Variants in MYO1D observed in about 807,000 individuals in gnomAD.
MYO1D encodes the protein myosin ID.
A neutral mutation model predicts 122.0 loss-of-function variants in MYO1D; 83 were observed. The ratio of observed to expected loss-of-function variants is 0.68; its 90% CI spans 0.57 to 0.82. MYO1D has a LOEUF of 0.82. MYO1D is among the 40% of genes least tolerant of loss of function. The pLI is 0.00. For synonymous variants in MYO1D, 464 were observed against 446.9 expected (o/e 1.04, Z -0.48); for missense variants, 1,157 against 1,269.5 (o/e 0.91, Z 1.35).
intron 16 of MYO1D, among the ~76,000 whole-genome samples, chr17:32,684,468 C>A (rs1469299771): frequency 6.6e-6 from 1 of 152,104 alleles, no homozygotes; most frequent in Non-Finnish European, 1.5e-5. Flanking sequence ...GAGTACCTAG[C>A]AATAAACACA....
rs114585890 is a variant in MYO1D at position 32,592,770 on chromosome 17, A to G, written c.2864+12317T>C. On this transcript the variant is annotated intron_variant, in intron 21 of 21. Coordinates refer to ENST00000318217, the MANE Select transcript of MYO1D (RefSeq NM_015194.3). ...AATGTAGGGGCAAGGAAAAAGACTT[A>G]CTGACCTAAGTAATAACTCTGGAAA... Among the ~76,000 whole-genome samples, 1,450 of 152,244 alleles carry G rather than the reference A, an allele frequency of 9.5e-3. 23 individuals carry two copies. The highest frequency in any genetic ancestry group is 0.033 in the African/African-American group (1,382 of 41,504).
chr17:32,551,584 A>AT lies in MYO1D; in HGVS notation c.2864+53502_2864+53503insA, dbSNP rs2087015767. 3.3e-5 allele frequency among the ~76,000 whole-genome samples: 5 copies of AT among 149,738 alleles called. No homozygotes were observed. In the Admixed American group the frequency reaches 3.3e-4, roughly 10 times the overall value. On this transcript the variant is annotated intron_variant, in intron 21 of 21. Transcript: ENST00000318217. ...CACACACACACACACACACACACAC[A>AT]CGCATCCAGGTGGCTTTGGAATGTA...
At chr17:32,587,905 ATG>A (rs1271639285) in intron 21 of MYO1D, among the ~76,000 whole-genome samples, 1 of 152,260 alleles carries the variant, frequency 6.6e-6, no homozygotes, top group African/African-American at 2.4e-5. Flanking sequence ...AACTGTTGTT[ATG>A]AAAACAAAAT....
At chr17:32,556,146 C>T (rs927814866) in intron 21 of MYO1D, among the ~76,000 whole-genome samples, 4 of 152,188 alleles carry the variant, frequency 2.6e-5, no homozygotes, top group South Asian at 4.1e-4. Context: ...TAGTTATTTA[C>T]GGAATGGGCA....
At chr17:32,609,085 C>T (rs778174223) in intron 20 of MYO1D, among the ~76,000 whole-genome samples, 8 of 152,264 alleles carry the variant, frequency 5.3e-5, no homozygotes, top group East Asian at 1.9e-4. Context: ...CACAAATTTA[C>T]GCCCATACTA....
At chr17:32,622,194 C>A (rs2087862390) in intron 20 of MYO1D, among the ~76,000 whole-genome samples, 1 of 152,180 alleles carries the variant, frequency 6.6e-6, no homozygotes, top group South Asian at 2.1e-4. Context: ...GTCACCAGCA[C>A]CAAAGCCTGT....
chr17:32,526,115 A>G (rs138755034), intron 21 of MYO1D, among the ~76,000 whole-genome samples: 3 of 152,256 alleles, frequency 2.0e-5, no homozygotes, highest in African/African-American at 7.2e-5. Flanking sequence ...CCTTTGACGT[A>G]TATCCCCTAT....
chr17:32,869,089 C>T (rs1469146623), intron 1 of MYO1D, among the ~76,000 whole-genome samples: 3 of 151,216 alleles, frequency 2.0e-5, no homozygotes, highest in Non-Finnish European at 2.9e-5. Context: ...AGTGGTGGTA[C>T]GTGCCTGTAA....
At chr17:32,816,383 GCT>G (rs1409329553) in intron 1 of MYO1D, among the ~76,000 whole-genome samples, 1 of 152,164 alleles carries the variant, frequency 6.6e-6, no homozygotes, top group Non-Finnish European at 1.5e-5. Flanking sequence ...GGGTTAGGCA[GCT>G]AAAGAGAGAA....
intron 21 of MYO1D, among the ~76,000 whole-genome samples, chr17:32,503,968 A>G (rs1359617681): frequency 6.6e-6 from 1 of 152,226 alleles, no homozygotes; most frequent in African/African-American, 2.4e-5. Flanking sequence ...CTATAAGGTG[A>G]GGCTATGATT....
intron 16 of MYO1D, among the ~76,000 whole-genome samples, chr17:32,699,030 C>A (rs1382251667): frequency 2.6e-5 from 4 of 151,968 alleles, no homozygotes; most frequent in Admixed American, 1.3e-4. Flanking sequence ...TGCAGTGGTA[C>A]CATCTTGGCT....
At position 32,655,526 on chromosome 17, in the gene MYO1D, C is replaced by T. The variant is rs115181877; in HGVS notation, c.2346-905G>A. Reference sequence around the variant, plus strand: ...ATAAGGATAGATGAGCAGAGACCTACAGGCCGTGAGGGAGCTGGTCATACG... The same window carrying T: ...ATAAGGATAGATGAGCAGAGACCTATAGGCCGTGAGGGAGCTGGTCATACG... On this transcript the variant is annotated intron_variant, in intron 17 of 21. Coordinates refer to ENST00000318217, the MANE Select transcript of MYO1D (RefSeq NM_015194.3). Among the ~76,000 whole-genome samples the T allele has an allele frequency of 3.7e-3, 569 of 152,262 alleles. 4 individuals carry two copies. The highest frequency in any genetic ancestry group is 0.013 in the African/African-American group (534 of 41,540).
chr17:32,568,098 G>A (rs1324700877), intron 21 of MYO1D, among the ~76,000 whole-genome samples: 1 of 149,280 alleles, frequency 6.7e-6, no homozygotes, highest in Non-Finnish European at 1.5e-5. Context: ...GAGCTCCTCT[G>A]CAACATTAAG....
chr17:32,845,994 G>A (rs887586409), intron 1 of MYO1D, among the ~76,000 whole-genome samples: 2 of 152,162 alleles, frequency 1.3e-5, no homozygotes, highest in Non-Finnish European at 2.9e-5. Context: ...TAGCCAGAGA[G>A]TGGTGAGTAG....
At chr17:32,514,884 A>C (rs1909836195) in intron 21 of MYO1D, among the ~76,000 whole-genome samples, 1 of 152,198 alleles carries the variant, frequency 6.6e-6, no homozygotes, top group Admixed American at 6.5e-5. Context: ...ATGGAGGCAT[A>C]GTGGGAAGAA....
chr17:32,808,483 G>T (rs2090540212), intron 1 of MYO1D, among the ~76,000 whole-genome samples: 1 of 151,918 alleles, frequency 6.6e-6, no homozygotes, highest in South Asian at 2.1e-4. Context: ...GCTTATCCCA[G>T]AACTTCCAGT....
chr17:32,828,361 A>G (rs1426736898), intron 1 of MYO1D, among the ~76,000 whole-genome samples: 4 of 151,872 alleles, frequency 2.6e-5, no homozygotes, highest in Admixed American at 6.6e-5. Flanking sequence ...CTAAAAATAC[A>G]AAAAATTAGC....
rs184371815 is a variant in MYO1D at position 32,537,652 on chromosome 17, T to C, written c.2865-42737A>G. Among the ~76,000 whole-genome samples, 72 of 152,250 alleles carry C rather than the reference T, an allele frequency of 4.7e-4. No individual in the cohort carries two copies. In the East Asian group the frequency reaches 0.014, roughly 29 times the overall value. On this transcript the variant is annotated intron_variant, in intron 21 of 21. Coordinates refer to ENST00000318217, the MANE Select transcript of MYO1D (RefSeq NM_015194.3). Reference sequence around the variant, plus strand: ...AATACTCCAATTATGAAATGACCAGTTTGAACTGAGGGTTGTCCATTAGCA... The same window carrying C: ...AATACTCCAATTATGAAATGACCAGCTTGAACTGAGGGTTGTCCATTAGCA...
At chr17:32,739,734 T>C (rs1488903460) in intron 13 of MYO1D, among the ~76,000 whole-genome samples, 1 of 152,224 alleles carries the variant, frequency 6.6e-6, no homozygotes, top group Non-Finnish European at 1.5e-5. Flanking sequence ...CCCACTTTTT[T>C]TCCCTCATAT....
Sources: gnomAD v4.1 joint callset for allele counts (sites outside exome capture counted in the v4.1 genomes callset) on GRCh38, gnomAD v4.1.1 for gene constraint, MANE v1.5 for transcripts, NCBI Gene and HGNC (gene_info 2026-07-23, HGNC 2026-07-21) for gene names.